TUSC3: variants seen among roughly 807,000 people sequenced by gnomAD.
TUSC3 encodes dolichyl-diphosphooligosaccharide--protein glycosyltransferase subunit TUSC3.
In TUSC3, 45 loss-of-function variants were observed where a neutral mutation model predicts 44.8. That is an observed-to-expected ratio of 1.00 (90% CI 0.79 to 1.29). The LOEUF is 1.29. Ranked by LOEUF, TUSC3 falls within the 50% of genes most tolerant of loss-of-function variation. The pLI, the probability that TUSC3 is intolerant of heterozygous loss-of-function variation, is 0.00. For missense variants in TUSC3, 519 were observed against 437.9 expected (o/e 1.19, Z -1.65); for synonymous variants, 212 against 152.9 (o/e 1.39, Z -2.85).
At chr8:15,839,541 A>G in the TUSC3 span, among the ~76,000 whole-genome samples, 1 of 152,140 alleles carries the variant, frequency 6.6e-6, no homozygotes, top group Non-Finnish European at 1.5e-5. Flanking sequence ...AAAAAAACAA[A>G]CGACCCCATC....
At chr8:15,757,758 T>C in intron 9 of TUSC3, 33 bp from the exon 10 acceptor site, 1 of 1,473,808 alleles carries the variant, frequency 6.8e-7, no homozygotes, top group Non-Finnish European at 9.5e-7. Flanking sequence ...ATTTTTTCCA[T>C]ATTGTTGTAT....
chr8:15,590,129 G>C lies in TUSC3; in HGVS notation c.139-32951G>C, dbSNP rs369671858. On this transcript the variant is annotated intron_variant, in intron 1 of 10. Transcript: ENST00000503731. ...TTGTATTGTAACAGAGGTGATAGAT[G>C]ACATTTATGGATATTTTAAAATTAT... Among the ~76,000 whole-genome samples the C allele has an allele frequency of 2.0e-4, 30 of 152,282 alleles. 1 individual carries two copies. Among genetic ancestry groups the C allele is most frequent in the Admixed American group, 9.2e-4 (14 of 15,284 alleles).
intron 1 of TUSC3, among the ~76,000 whole-genome samples, chr8:15,447,693 CTTTT>C (rs533587631): frequency 1.4e-5 from 2 of 140,866 alleles, no homozygotes; most frequent in Non-Finnish European, 3.1e-5. Flanking sequence ...ATAATTATGT[CTTTT>C]TTTTTTTTTT....
At chr8:15,735,801 G>A (rs1341147983) in intron 7 of TUSC3, among the ~76,000 whole-genome samples, 3 of 152,186 alleles carry the variant, frequency 2.0e-5, no homozygotes, top group East Asian at 1.9e-4. Context: ...CCGGGTTCAC[G>A]CCATTCTCCT....
chr8:15,680,655 G>T (rs763904754), intron 6 of TUSC3, among the ~76,000 whole-genome samples: 24 of 152,056 alleles, frequency 1.6e-4, no homozygotes, highest in Non-Finnish European at 3.4e-4. Context: ...GGACATCCTT[G>T]TCTTGTTCCA....
chr8:15,612,701 C>T (rs987204975), intron 1 of TUSC3, among the ~76,000 whole-genome samples: 1 of 152,084 alleles, frequency 6.6e-6, no homozygotes, highest in African/African-American at 2.4e-5. Flanking sequence ...ATAGATGTGA[C>T]CTTCTAACCT....
chr8:15,471,598 G>A (rs546323670), intron 1 of TUSC3, among the ~76,000 whole-genome samples: 4 of 151,290 alleles, frequency 2.6e-5, no homozygotes, highest in East Asian at 1.9e-4. Context: ...TACTTATAAC[G>A]GAAATTTCTT....
chr8:15,745,482 T>C (rs1811374441), intron 8 of TUSC3, among the ~76,000 whole-genome samples: 1 of 152,122 alleles, frequency 6.6e-6, no homozygotes, highest in Non-Finnish European at 1.5e-5. Context: ...TTTTTGACTC[T>C]AATCATAGCC....
intron 1 of TUSC3, among the ~76,000 whole-genome samples, chr8:15,478,109 A>G (rs945485408): frequency 1.3e-5 from 2 of 151,840 alleles, no homozygotes; most frequent in African/African-American, 4.8e-5. Context: ...GACATGCACC[A>G]CCATGCCCAG....
At chr8:15,835,583 A>G in the TUSC3 span, among the ~76,000 whole-genome samples, 4 of 152,146 alleles carry the variant, frequency 2.6e-5, no homozygotes, top group South Asian at 8.3e-4. Context: ...TATCTTGTTG[A>G]TAAGTTCAAG....
At chr8:15,792,383 G>A in the TUSC3 span, among the ~76,000 whole-genome samples, 2 of 152,046 alleles carry the variant, frequency 1.3e-5, no homozygotes, top group South Asian at 2.1e-4. Context: ...ACTTTCGAGT[G>A]GCAAAAAGAT....
rs778870926 is a variant in TUSC3, at chr8:15,748,412, C to T, written c.975C>T (p.Phe325=). The change falls in exon 9 of 11, where the codon TTC becomes TTT. Residue 325 remains phenylalanine (F), a synonymous_variant. Coordinates refer to ENST00000503731, the MANE Select transcript of TUSC3 (RefSeq NM_006765.4). ...TGGGATTGGGCCTGGTGGTCTTCTT[C>T]TTCAGTTTTCTACTTTCAATATTTC... ...CLVGLGLVVF[F]FSFLLSIFRS... is the part of the protein sequence containing the mutation. The T allele has an allele frequency of 6.2e-7, 1 of 1,613,460 alleles. No homozygotes were observed. The highest frequency in any genetic ancestry group is 8.5e-7 in the Non-Finnish European group (1 of 1,179,582).
intron 1 of TUSC3, among the ~76,000 whole-genome samples, chr8:15,549,704 G>A (rs972887290): frequency 4.0e-5 from 6 of 151,468 alleles, no homozygotes; most frequent in African/African-American, 1.5e-4. Flanking sequence ...ATTTTCAAGG[G>A]GAGTAAAAGT....
At chr8:15,680,427 G>C (rs1366105116) in intron 6 of TUSC3, among the ~76,000 whole-genome samples, 2 of 151,958 alleles carry the variant, frequency 1.3e-5, no homozygotes, top group African/African-American at 4.8e-5. Flanking sequence ...TTTTAGAAAT[G>C]CTACTAATTT....
At chr8:15,683,147 A>G (rs1808493370) in intron 6 of TUSC3, among the ~76,000 whole-genome samples, 1 of 152,060 alleles carries the variant, frequency 6.6e-6, no homozygotes, top group African/African-American at 2.4e-5. Flanking sequence ...CAACTTGGGT[A>G]GTTTCTTGCA....
chr8:15,674,388 T>C (rs1237403688), intron 6 of TUSC3, among the ~76,000 whole-genome samples: 1 of 152,050 alleles, frequency 6.6e-6, no homozygotes, highest in Non-Finnish European at 1.5e-5. Context: ...GTTTGGTGAA[T>C]AGGAAATACT....
At chr8:15,738,824 TTGC>T (rs1811047149) in intron 7 of TUSC3, among the ~76,000 whole-genome samples, 5 of 126,830 alleles carry the variant, frequency 3.9e-5, no homozygotes, top group African/African-American at 1.6e-4. Flanking sequence ...TTAATATATC[TTGC>T]TTTTTTTTTT....
chr8:15,738,827 CTTTTTTTTTTTT>C (rs375655033), intron 7 of TUSC3, among the ~76,000 whole-genome samples: 2 of 87,172 alleles, frequency 2.3e-5, no homozygotes, highest in Non-Finnish European at 4.2e-5. Context: ...ATATATCTTG[CTTTTTTTTTTTT>C]TTTTTTTTTT....
chr8:15,794,473 G>C, the TUSC3 span, among the ~76,000 whole-genome samples: 1 of 152,160 alleles, frequency 6.6e-6, no homozygotes, highest in South Asian at 2.1e-4. Flanking sequence ...TACTATAAAT[G>C]GTTTGAGATT....
Sources: gnomAD v4.1 joint callset for allele counts (sites outside exome capture counted in the v4.1 genomes callset) on GRCh38, gnomAD v4.1.1 for gene constraint, MANE v1.5 for transcripts, NCBI Gene and HGNC (gene_info 2026-07-23, HGNC 2026-07-21) for gene names.